MPP7: variants seen among roughly 807,000 people sequenced by gnomAD.
MPP7 encodes MAGUK p55 scaffold protein 7, also known as MAGUK p55 subfamily member 7.
MPP7 carries 60 observed loss-of-function variants against 76.5 expected under a neutral mutation model. The observed-to-expected ratio is 0.78, with a 90% confidence interval of 0.64 to 0.97. MPP7 has a LOEUF of 0.97. Ranked by LOEUF, MPP7 falls within the 50% of genes least tolerant of loss-of-function variation. The pLI, the probability that MPP7 is intolerant of heterozygous loss-of-function variation, is 0.00. For synonymous variants in MPP7, 237 were observed against 244.5 expected (o/e 0.97, Z 0.29); for missense variants, 641 against 694.0 (o/e 0.92, Z 0.86).
intron 1 of MPP7, among the ~76,000 whole-genome samples, chr10:28,277,504 C>T (rs1840539746): frequency 6.6e-6 from 1 of 152,008 alleles, no homozygotes; most frequent in African/African-American, 2.4e-5. Context: ...GGCCCATGGG[C>T]CGCAGGTTGG....
intron 5 of MPP7, among the ~76,000 whole-genome samples, chr10:28,136,340 G>A (rs1835353477): frequency 6.6e-6 from 1 of 152,054 alleles, no homozygotes; most frequent in Admixed American, 6.6e-5. Context: ...TGCCAAAATG[G>A]TTGGAGAAGG....
chr10:28,183,866 T>C (rs1054750596), intron 3 of MPP7, among the ~76,000 whole-genome samples: 2 of 151,914 alleles, frequency 1.3e-5, no homozygotes, highest in Non-Finnish European at 2.9e-5. Context: ...ATACTGAAAA[T>C]GGTGCAAATC....
At chr10:28,124,552 C>T (rs550714103) in intron 7 of MPP7, among the ~76,000 whole-genome samples, 100 of 146,860 alleles carry the variant, frequency 6.8e-4, no homozygotes, top group African/African-American at 2.2e-3. Flanking sequence ...CTCGGCTCAC[C>T]GCAACCTCCG....
chr10:28,186,716 G>A (rs1253847491), intron 3 of MPP7, among the ~76,000 whole-genome samples: 2 of 152,166 alleles, frequency 1.3e-5, no homozygotes, highest in African/African-American at 2.4e-5. Flanking sequence ...CCAGAAATGC[G>A]GGTGATAAAG....
chr10:28,072,040 G>A lies in MPP7; in HGVS notation c.1124-2188C>T, dbSNP rs538308303. On this transcript the variant is annotated intron_variant, in intron 12 of 16. Transcript: ENST00000683449. ...TATAATCCCAACACTTTGGGAGGCC[G>A]AGGTAGGTAGATCACTTGAGGTCAG... Among the ~76,000 whole-genome samples, 34 of 152,252 alleles carry A rather than the reference G, an allele frequency of 2.2e-4. No homozygotes were observed. In the East Asian group the frequency reaches 2.7e-3, roughly 12 times the overall value.
chr10:28,221,296 G>C lies in MPP7; in HGVS notation c.37+17272C>G, dbSNP rs933221857. Among the ~76,000 whole-genome samples the C allele has an allele frequency of 3.9e-5, 6 of 152,096 alleles. No homozygotes were observed. The East Asian group carries it at 1.2e-3, about 29-fold the overall frequency. ...TCCCAGCCTTTCAATCCACACTCAA[G>C]TATTCTCTAAACAGGTGACATTTTT... On this transcript the variant is annotated intron_variant, in intron 2 of 16. Coordinates refer to ENST00000683449, the MANE Select transcript of MPP7 (RefSeq NM_001318170.2).
At chr10:28,098,783 A>G (rs1853684047) in intron 11 of MPP7, among the ~76,000 whole-genome samples, 1 of 151,994 alleles carries the variant, frequency 6.6e-6, no homozygotes, top group African/African-American at 2.4e-5. Context: ...ATAGCCACAT[A>G]AATTCAAGCA....
intron 12 of MPP7, among the ~76,000 whole-genome samples, chr10:28,087,012 T>A (rs1161324192): frequency 6.6e-6 from 1 of 152,130 alleles, no homozygotes; most frequent in East Asian, 1.9e-4. Context: ...CCAAATTGCG[T>A]GTTGAAATTT....
chr10:28,149,916 G>C, intron 4 of MPP7, 66 bp downstream of exon 4: 3 of 1,221,866 alleles, frequency 2.5e-6, no homozygotes, highest in Admixed American at 1.8e-5. Context: ...TCTGCACTAG[G>C]ACAGGTTCTG....
intron 5 of MPP7, among the ~76,000 whole-genome samples, chr10:28,133,009 A>G (rs1171057168): frequency 1.3e-5 from 2 of 151,670 alleles, no homozygotes; most frequent in Non-Finnish European, 2.9e-5. Context: ...TTTTACTGGA[A>G]CACAGGCCAT....
At chr10:28,332,898 A>C (rs936651675) in intron 1 of MPP7, among the ~76,000 whole-genome samples, 1 of 152,076 alleles carries the variant, frequency 6.6e-6, no homozygotes, top group Non-Finnish European at 1.5e-5. Context: ...CCCAACCTCA[A>C]GCAATCCTCC....
chr10:28,092,240 A>T (rs1351646677), intron 11 of MPP7, among the ~76,000 whole-genome samples: 1 of 152,172 alleles, frequency 6.6e-6, no homozygotes, highest in Non-Finnish European at 1.5e-5. Flanking sequence ...TTTTGAGAAG[A>T]TATTTGAGTT....
chr10:28,265,188 G>A (rs1269322745), intron 1 of MPP7, among the ~76,000 whole-genome samples: 1 of 152,180 alleles, frequency 6.6e-6, no homozygotes, highest in Non-Finnish European at 1.5e-5. Flanking sequence ...GAGTCAACAG[G>A]TTAAAGATGC....
Position 28,089,738 on chromosome 10 carries a change from G to A in MPP7, c.1056C>T (p.Pro352=), listed in dbSNP as rs1226288334. 19 of 1,613,450 alleles carry A rather than the reference G, an allele frequency of 1.2e-5. No homozygotes were observed. Among genetic ancestry groups the A allele is most frequent in the Non-Finnish European group, 1.5e-5 (18 of 1,179,688 alleles). Residue 352 remains proline, a synonymous_variant, in exon 12 of 17, where the codon CCC becomes CCT. Coordinates refer to ENST00000683449, the MANE Select transcript of MPP7 (RefSeq NM_001318170.2). ...GATACGGTGTCACTTCTTCGTATGT[G>A]GGTACGTCAGCTGTGTCGTACTGAT... ...KSDQYDTADV[P]TYEEVTPYRR...
chr10:28,300,590 A>T (rs1288954664), intron 1 of MPP7, among the ~76,000 whole-genome samples: 2 of 152,170 alleles, frequency 1.3e-5, no homozygotes, highest in African/African-American at 4.8e-5. Flanking sequence ...TGTTACATGA[A>T]TATGTTAAAA....
At chr10:28,298,480 G>C (rs749033846) in intron 1 of MPP7, among the ~76,000 whole-genome samples, 5 of 152,310 alleles carry the variant, frequency 3.3e-5, no homozygotes, top group South Asian at 4.1e-4. Flanking sequence ...AGTGGGTCTC[G>C]ACAGTGAGCT....
rs1021496354 is a variant in MPP7, at chr10:28,051,132, T to C, written c.*2933A>G. ...AGATCACAATAGTAGTATAATAAAA[T>C]AGAATATCCAAGTGCAAAAACAATT... On this transcript the variant is annotated 3_prime_UTR_variant, in exon 17 of 17. Transcript: ENST00000683449. 1 of 152,198 alleles carries C rather than the reference T, an allele frequency of 6.6e-6. No individual in the cohort carries two copies. Among genetic ancestry groups the C allele is most frequent in the Admixed American group, 6.5e-5 (1 of 15,286 alleles). 9.4% of individuals were successfully genotyped at this position (152,198 alleles called of 1,614,324 possible).
intron 2 of MPP7, among the ~76,000 whole-genome samples, chr10:28,325,051 C>G (rs1015079527): frequency 1.3e-5 from 2 of 152,170 alleles, no homozygotes; most frequent in Non-Finnish European, 2.9e-5. Flanking sequence ...TGCCACTTTA[C>G]CTGGCTAATT....
At chr10:28,182,333 G>A (rs1274096766) in intron 3 of MPP7, among the ~76,000 whole-genome samples, 2 of 152,148 alleles carry the variant, frequency 1.3e-5, no homozygotes, top group African/African-American at 4.8e-5. Flanking sequence ...TTAATGGTCT[G>A]GATTGGAAGT....
Sources: allele counts gnomAD v4.1 joint callset (sites outside exome capture counted in the v4.1 genomes callset), GRCh38; gene constraint gnomAD v4.1.1; transcripts MANE v1.5; gene names NCBI Gene and HGNC (gene_info 2026-07-23, HGNC 2026-07-21).